The following FNDC3B variants were observed in gnomAD, a reference collection of about 807,000 sequenced individuals.
FNDC3B encodes the protein fibronectin type III domain-containing protein 3B.
In FNDC3B, 12 loss-of-function variants were observed where a neutral mutation model predicts 151.5. The ratio of observed to expected loss-of-function variants is 0.08; its 90% CI spans 0.05 to 0.13. The LOEUF is 0.13. FNDC3B is among the 10% of genes least tolerant of loss of function. The probability of loss-of-function intolerance (pLI) is 1.00; values close to 1 mark genes in which losing one functional copy is unlikely to be tolerated. For synonymous variants in FNDC3B, 528 were observed against 549.0 expected (o/e 0.96, Z 0.54); for missense variants, 1,214 against 1,505.3 (o/e 0.81, Z 3.20).
chr3:172,262,779 C>T (rs929664619), intron 6 of FNDC3B, among the ~76,000 whole-genome samples: 1 of 150,060 alleles, frequency 6.7e-6, no homozygotes, highest in Admixed American at 6.8e-5. Flanking sequence ...TGCCTGTAAT[C>T]CCAGCTACTT....
chr3:172,288,398 A>G (rs753195119), intron 7 of FNDC3B, among the ~76,000 whole-genome samples: 2 of 152,226 alleles, frequency 1.3e-5, no homozygotes, highest in Non-Finnish European at 2.9e-5. Context: ...ACTGGACTCT[A>G]TCCTGTCTCA....
chr3:172,102,131 T>G lies in FNDC3B; in HGVS notation c.-28-10321T>G, dbSNP rs151071362. 5.9e-5 allele frequency among the ~76,000 whole-genome samples: 9 copies of G among 152,340 alleles called. No homozygotes were observed. The East Asian group carries it at 1.4e-3, about 23-fold the overall frequency. On this transcript the variant is annotated intron_variant, in intron 1 of 25. Coordinates refer to ENST00000415807, the MANE Select transcript of FNDC3B (RefSeq NM_022763.4). ...TACTTGGGTTTTGTTGTCAGATTCT[T>G]AGATGTTACAATTAGCTCGCTAAGA... is the stretch of plus-strand genomic sequence containing the variant.
Position 172,298,704 on chromosome 3 carries a change from C to T in FNDC3B, c.1002-24C>T, listed in dbSNP as rs763757490. 9 of 1,575,990 alleles carry T rather than the reference C, an allele frequency of 5.7e-6. No individual in the cohort carries two copies. In the South Asian group the frequency reaches 6.9e-5, roughly 12 times the overall value. On this transcript the variant is annotated intron_variant, in intron 8 of 25. Coordinates refer to ENST00000415807, the MANE Select transcript of FNDC3B (RefSeq NM_022763.4). ...TTGCTTTTGAAACTGGAATTAGCAACTAATGAATGCTTTTTCTTTACAGTG... is the reference window on the plus strand; with the variant it reads ...TTGCTTTTGAAACTGGAATTAGCAATTAATGAATGCTTTTTCTTTACAGTG...
rs535991129 is a variant in FNDC3B, at chr3:172,397,632, T to C, written c.*157T>C. On this transcript the variant is annotated 3_prime_UTR_variant, in exon 26 of 26. Coordinates refer to ENST00000415807, the MANE Select transcript of FNDC3B (RefSeq NM_022763.4). ...AATGTCAGTGTTTTGGTGCACCTTT[T>C]TGAAATGCAAAACTAGGAAAAGGTT... The C allele has an allele frequency of 3.6e-5, 15 of 421,210 alleles. No homozygotes were observed. The highest frequency in any genetic ancestry group is 6.1e-4 in the Middle Eastern group (1 of 1,634). The allele number at this position is 421,210 out of a possible 1,614,324, so 26.1% of individuals were successfully genotyped here.
chr3:172,211,762 A>T (rs1725743218), intron 3 of FNDC3B, among the ~76,000 whole-genome samples: 1 of 152,208 alleles, frequency 6.6e-6, no homozygotes. Context: ...AAAAAATGGA[A>T]TTTCTCTGCA....
chr3:172,219,623 C>T (rs1296452441), intron 3 of FNDC3B, among the ~76,000 whole-genome samples: 1 of 152,220 alleles, frequency 6.6e-6, no homozygotes, highest in African/African-American at 2.4e-5. Flanking sequence ...GCAAACCTTC[C>T]ACCCACCCTC....
At chr3:172,390,477 G>C (rs1180619042) in intron 25 of FNDC3B, among the ~76,000 whole-genome samples, 1 of 151,450 alleles carries the variant, frequency 6.6e-6, no homozygotes, top group East Asian at 1.9e-4. Context: ...ATTAATATAT[G>C]AAGTCTTTGT....
chr3:172,083,538 C>A (rs1164058007), intron 1 of FNDC3B, among the ~76,000 whole-genome samples: 2 of 152,204 alleles, frequency 1.3e-5, no homozygotes, highest in Non-Finnish European at 2.9e-5. Flanking sequence ...TATGTAGAAG[C>A]ATGAGAGACC....
chr3:172,109,164 CTTTT>C (rs398052444), intron 1 of FNDC3B, among the ~76,000 whole-genome samples: 14 of 120,044 alleles, frequency 1.2e-4, no homozygotes, highest in Non-Finnish European at 8.6e-5. Flanking sequence ...GCCTTGGATT[CTTTT>C]TTTTTTTTTT....
chr3:172,216,647 TGGA>T (rs1268960960), intron 3 of FNDC3B, among the ~76,000 whole-genome samples: 7 of 152,204 alleles, frequency 4.6e-5, no homozygotes, highest in Admixed American at 1.3e-4. Context: ...CACTGCAGCC[TGGA>T]TGGCAGAGCG....
At chr3:172,089,179 C>T (rs899834490) in intron 1 of FNDC3B, among the ~76,000 whole-genome samples, 1 of 152,062 alleles carries the variant, frequency 6.6e-6, no homozygotes, top group African/African-American at 2.4e-5. Flanking sequence ...ATTTAATTTG[C>T]AAAGTAAAAG....
intron 25 of FNDC3B, 72 bp downstream of exon 25, chr3:172,381,165 A>T: frequency 6.5e-7 from 1 of 1,538,062 alleles, no homozygotes; most frequent in Non-Finnish European, 8.9e-7. Context: ...ATTGCTATGA[A>T]TGACTCAGTG....
chr3:172,272,304 A>G (rs1261573007), intron 6 of FNDC3B, among the ~76,000 whole-genome samples: 4 of 152,212 alleles, frequency 2.6e-5, no homozygotes, highest in Non-Finnish European at 5.9e-5. Flanking sequence ...TTGTCTGTGT[A>G]GAACACCTTT....
chr3:172,239,148 G>A (rs1238057851), intron 4 of FNDC3B, among the ~76,000 whole-genome samples: 3 of 152,004 alleles, frequency 2.0e-5, no homozygotes. Context: ...GCTTCTGAGG[G>A]ACTTGCAGCT....
chr3:172,053,750 C>T (rs1164169604), intron 1 of FNDC3B, among the ~76,000 whole-genome samples: 1 of 147,468 alleles, frequency 6.8e-6, no homozygotes, highest in Non-Finnish European at 1.5e-5. Context: ...GCACTCCAGC[C>T]TAGGTGACAG....
intron 3 of FNDC3B, among the ~76,000 whole-genome samples, chr3:172,212,056 A>G (rs773793405): frequency 6.6e-6 from 1 of 152,238 alleles, no homozygotes; most frequent in Admixed American, 6.5e-5. Flanking sequence ...GATTCTTCAT[A>G]GAGTGCTTAT....
chr3:172,182,833 A>G (rs1723985208), intron 3 of FNDC3B, among the ~76,000 whole-genome samples: 1 of 152,204 alleles, frequency 6.6e-6, no homozygotes, highest in South Asian at 2.1e-4. Context: ...TGAGAAATGG[A>G]GATGAAGTGT....
intron 3 of FNDC3B, among the ~76,000 whole-genome samples, chr3:172,188,872 T>G (rs185573804): frequency 7.2e-5 from 11 of 152,316 alleles, no homozygotes; most frequent in African/African-American, 2.6e-4. Flanking sequence ...TCCCCAGGTA[T>G]CTTACATTCC....
chr3:172,333,063 G>A, intron 13 of FNDC3B, 26 bp from the exon 14 acceptor site: 1 of 1,493,128 alleles, frequency 6.7e-7, no homozygotes, highest in East Asian at 2.3e-5. Flanking sequence ...TTATACTGAT[G>A]TTTCTTCCTG....
Sources: allele counts gnomAD v4.1 joint callset (sites outside exome capture counted in the v4.1 genomes callset), GRCh38; gene constraint gnomAD v4.1.1; transcripts MANE v1.5; gene names NCBI Gene and HGNC (gene_info 2026-07-23, HGNC 2026-07-21).